WDR35: variants seen among roughly 807,000 people sequenced by gnomAD.
WDR35 encodes WD repeat domain 35.
Under a neutral mutation model 158.3 loss-of-function variants are expected in WDR35, and 118 were observed. The ratio of observed to expected loss-of-function variants is 0.75; its 90% CI spans 0.64 to 0.87. The LOEUF (loss-of-function observed/expected upper bound fraction) is 0.87. Ranked by LOEUF, WDR35 falls within the 40% of genes least tolerant of loss-of-function variation. The probability of loss-of-function intolerance (pLI) is 0.00; values close to 1 mark genes in which losing one functional copy is unlikely to be tolerated. For synonymous variants in WDR35, 448 were observed against 476.1 expected, an observed-to-expected ratio of 0.94 and a Z score of 0.77; for missense variants, 1,263 against 1,405.8, an observed-to-expected ratio of 0.90 and a Z score of 1.62.
At chr2:19,949,024 G>A (rs1671151415) in intron 13 of WDR35, among the ~76,000 whole-genome samples, 1 of 152,106 alleles carries the variant, frequency 6.6e-6, no homozygotes, top group Non-Finnish European at 1.5e-5. Flanking sequence ...ACTGAAAACT[G>A]AATAAGCTCA....
intron 8 of WDR35, 84 bp from the exon 9 acceptor site, chr2:19,969,689 A>G: frequency 1.4e-6 from 2 of 1,404,462 alleles, no homozygotes; most frequent in South Asian, 1.2e-5. Flanking sequence ...AGAGATCAAA[A>G]GTGGTATGAA....
intron 8 of WDR35, 148 bp from the exon 9 acceptor site, chr2:19,969,753 T>G: frequency 2.2e-6 from 2 of 895,988 alleles, no homozygotes; most frequent in Non-Finnish European, 3.2e-6. Context: ...CTTGAATTTT[T>G]TTTTTTTTTT....
chr2:19,926,432 G>T (rs925789032), intron 25 of WDR35, among the ~76,000 whole-genome samples: 2 of 152,230 alleles, frequency 1.3e-5, no homozygotes, highest in Non-Finnish European at 2.9e-5. Context: ...GCTTGTAGCT[G>T]TAATTGAGGT....
intron 4 of WDR35, among the ~76,000 whole-genome samples, 156 bp from the exon 5 acceptor site, chr2:19,979,035 A>G (rs1252631304): frequency 6.6e-6 from 1 of 152,226 alleles, no homozygotes; most frequent in Admixed American, 6.5e-5. Context: ...TCCAAATCCA[A>G]CAAAAACAAA....
At chr2:19,919,790 C>T (rs1464995253) in intron 25 of WDR35, among the ~76,000 whole-genome samples, 1 of 152,072 alleles carries the variant, frequency 6.6e-6, no homozygotes, top group East Asian at 1.9e-4. Context: ...ATCAATGAAT[C>T]CAGGAACTGG....
At chr2:19,973,735 A>G (rs1380955477) in intron 7 of WDR35, 27 bp from the exon 8 acceptor site, 8 of 1,602,592 alleles carry the variant, frequency 5.0e-6, no homozygotes, top group Non-Finnish European at 6.0e-6. Flanking sequence ...AAATGAGGTC[A>G]CTGTGGGAAA....
intron 8 of WDR35, among the ~76,000 whole-genome samples, chr2:19,972,558 C>CT (rs540117749): frequency 4.0e-5 from 6 of 148,668 alleles, no homozygotes; most frequent in Admixed American, 1.3e-4. Flanking sequence ...GAAAACTATG[C>CT]TTTTTTTTTT....
At chr2:19,982,391 T>A (rs754480629) in intron 3 of WDR35, 72 bp downstream of exon 3, 2 of 1,364,330 alleles carry the variant, frequency 1.5e-6, no homozygotes, top group East Asian at 4.7e-5. Flanking sequence ...TTGACATTTC[T>A]GCATTAAGTA....
intron 10 of WDR35, 60 bp from the exon 11 acceptor site, chr2:19,960,674 T>C (rs1671619139): frequency 1.3e-5 from 16 of 1,252,092 alleles, no homozygotes; most frequent in Non-Finnish European, 1.7e-5. Flanking sequence ...AAAGGAAATA[T>C]GCTTAATATA....
At chr2:19,932,220 C>G in intron 23 of WDR35, 63 bp downstream of exon 23, 4 of 1,598,188 alleles carry the variant, frequency 2.5e-6, no homozygotes, top group Non-Finnish European at 3.4e-6. Flanking sequence ...AGAATATGCT[C>G]TTTCATATAT....
intron 3 of WDR35, 102 bp from the exon 4 acceptor site, chr2:19,980,885 C>A: frequency 9.9e-7 from 1 of 1,012,128 alleles, no homozygotes; most frequent in Non-Finnish European, 1.5e-6. Flanking sequence ...AATATGGTTC[C>A]TGTACAGCTA....
intron 24 of WDR35, among the ~76,000 whole-genome samples, 184 bp from the exon 25 acceptor site, chr2:19,930,736 G>A (rs996441678): frequency 2.6e-5 from 4 of 151,928 alleles, no homozygotes; most frequent in African/African-American, 4.8e-5. Context: ...ATGCAGCTGC[G>A]TGGTCATAGC....
chr2:19,986,771 G>A (rs1205390406), intron 2 of WDR35, among the ~76,000 whole-genome samples: 2 of 152,190 alleles, frequency 1.3e-5, no homozygotes. Flanking sequence ...ATGGATTGCT[G>A]GTTCTAATTC....
At position 19,975,610 on chromosome 2, in the gene WDR35, A is replaced by G; in HGVS notation, c.490T>C (p.Trp164Arg). ...AGTAAGACTTTACTGTCCGCAGACC[A>G]TGTTACATGGGATAGCTGTATACCC... Reference protein sequence around the residue: ...LKGIQLSHVTWSADSKVLLFG... With the variant: ...LKGIQLSHVTRSADSKVLLFG... The change falls in exon 6 of 27, where the codon TGG becomes CGG. Residue 164 changes from tryptophan to arginine, a missense_variant. Trp to Arg is a moderately radical substitution (Grantham distance 101). Transcript: ENST00000281405. 6.2e-7 allele frequency: 1 copy of G among 1,614,108 alleles called. No homozygotes were observed. The highest frequency in any genetic ancestry group is 2.2e-5 in the East Asian group (1 of 44,856).
chr2:19,982,657 T>A (rs1672421788), intron 2 of WDR35, 123 bp from the exon 3 acceptor site: 1 of 1,025,866 alleles, frequency 9.7e-7, no homozygotes, highest in Non-Finnish European at 1.4e-6. Context: ...CATTCTGATA[T>A]ATTTTTCTCA....
At chr2:19,929,481 A>C (rs527719187) in intron 25 of WDR35, among the ~76,000 whole-genome samples, 129 of 152,322 alleles carry the variant, frequency 8.5e-4, no homozygotes, top group Middle Eastern at 3.4e-3. Flanking sequence ...CCAAGCTGAA[A>C]GACCAGTAAT....
At chr2:19,941,887 T>C (rs1467498109) in intron 16 of WDR35, 48 bp from the exon 17 acceptor site, 1 of 1,330,158 alleles carries the variant, frequency 7.5e-7, no homozygotes, top group African/African-American at 1.5e-5. Flanking sequence ...AAATTTCCTC[T>C]CTTTTAACAA....
At chr2:19,949,055 G>A (rs1005118165) in intron 13 of WDR35, among the ~76,000 whole-genome samples, 12 of 152,140 alleles carry the variant, frequency 7.9e-5, no homozygotes, top group African/African-American at 2.7e-4. Context: ...ACAGTACTGC[G>A]CCAATGTCAG....
intron 25 of WDR35, among the ~76,000 whole-genome samples, chr2:19,915,286 T>A (rs1669956234): frequency 6.6e-6 from 1 of 152,128 alleles, no homozygotes; most frequent in Non-Finnish European, 1.5e-5. Flanking sequence ...GGGTCAAGTA[T>A]TTACAACAAA....
Sources: gnomAD v4.1 joint callset for allele counts (sites outside exome capture counted in the v4.1 genomes callset) on GRCh38, gnomAD v4.1.1 for gene constraint, MANE v1.5 for transcripts, NCBI Gene and HGNC (gene_info 2026-07-23, HGNC 2026-07-21) for gene names.